CLEC2A: variants seen among roughly 807,000 people sequenced by gnomAD.
CLEC2A encodes the protein keratinocyte-associated C-type lectin.
In CLEC2A, 19 loss-of-function variants were observed where a neutral mutation model predicts 18.6. That is an observed-to-expected ratio of 1.02 (90% CI 0.71 to 1.50). The LOEUF (loss-of-function observed/expected upper bound fraction) is 1.50, where lower values mean the gene tolerates loss of function less well. CLEC2A is among the 40% of genes most tolerant of loss of function. The pLI is 0.00. For synonymous variants in CLEC2A, 74 were observed against 64.0 expected (o/e 1.16, Z -0.75); for missense variants, 190 against 207.9 (o/e 0.91, Z 0.53).
At chr12:9,888,754 A>G in the CLEC2A span, 19 of 1,504,674 alleles carry the variant, frequency 1.3e-5, no homozygotes, top group South Asian at 2.2e-4. Context: ...GATTTCTCCC[A>G]GAATGTAAAC....
chr12:9,907,544 G>A (rs571210664), intron 4 of CLEC2A, among the ~76,000 whole-genome samples: 1 of 152,108 alleles, frequency 6.6e-6, no homozygotes, highest in South Asian at 2.1e-4. Flanking sequence ...GTAACTTCAC[G>A]TTCTACAAAC....
At chr12:9,910,775 T>C (rs1862972855), downstream of CLEC2A, among the ~76,000 whole-genome samples, 2 of 152,186 alleles carry the variant, frequency 1.3e-5, no homozygotes, top group South Asian at 4.1e-4. Context: ...TGTGGGTTTA[T>C]TCGTCATGCT....
chr12:9,901,080 A>C (rs1425812414), intron 4 of CLEC2A, among the ~76,000 whole-genome samples: 1 of 152,216 alleles, frequency 6.6e-6, no homozygotes, highest in Non-Finnish European at 1.5e-5. Flanking sequence ...TTGACTCTGC[A>C]AAACAAAACA....
downstream of CLEC2A, among the ~76,000 whole-genome samples, chr12:9,911,368 T>C (rs193225371): frequency 1.5e-3 from 228 of 152,214 alleles, no homozygotes; most frequent in African/African-American, 5.3e-3. Context: ...ACAAGGACAT[T>C]GCACAATTAA....
At chr12:9,908,053 A>G (rs775064135) in intron 4 of CLEC2A, among the ~76,000 whole-genome samples, 1 of 152,308 alleles carries the variant, frequency 6.6e-6, no homozygotes, top group South Asian at 2.1e-4. Context: ...TTAAAAGAGG[A>G]CATGCAGGGT....
chr12:9,883,247 G>GA, the CLEC2A span, among the ~76,000 whole-genome samples: 7 of 152,088 alleles, frequency 4.6e-5, no homozygotes, highest in Non-Finnish European at 7.4e-5. Flanking sequence ...TCCTAAATCA[G>GA]AAAAAATATT....
At chr12:9,912,510 C>T (rs1863002277), downstream of CLEC2A, among the ~76,000 whole-genome samples, 2 of 152,180 alleles carry the variant, frequency 1.3e-5, no homozygotes, top group Non-Finnish European at 2.9e-5. Context: ...TTTCATTCGC[C>T]TCTTCTCGAG....
chr12:9,890,800 A>G, the CLEC2A span, among the ~76,000 whole-genome samples: 1 of 152,226 alleles, frequency 6.6e-6, no homozygotes, highest in African/African-American at 2.4e-5. Context: ...GGTCTTACCC[A>G]TAGTTATGAA....
At chr12:9,890,052 T>A in the CLEC2A span, among the ~76,000 whole-genome samples, 1 of 152,096 alleles carries the variant, frequency 6.6e-6, no homozygotes. Context: ...CAATACATAA[T>A]CAATATTTTC....
chr12:9,899,871 G>A (rs1185723601), intron 4 of CLEC2A, among the ~76,000 whole-genome samples: 1 of 152,132 alleles, frequency 6.6e-6, no homozygotes. Context: ...ATCTGCCTCT[G>A]GATCCCTCAG....
chr12:9,897,560 TAAAA>T (rs554528887), downstream of CLEC2A, among the ~76,000 whole-genome samples: 1 of 130,460 alleles, frequency 7.7e-6, no homozygotes, highest in Non-Finnish European at 1.7e-5. Flanking sequence ...ACGCTCAGTA[TAAAA>T]AAAAAAAAAG....
At chr12:9,895,487 T>C (rs1372218145), downstream of CLEC2A, among the ~76,000 whole-genome samples, 2 of 152,206 alleles carry the variant, frequency 1.3e-5, no homozygotes, top group African/African-American at 4.8e-5. Flanking sequence ...TGTCTTCTAG[T>C]GTAGCTCAAG....
chr12:9,894,258 T>A (rs1253394135), downstream of CLEC2A, among the ~76,000 whole-genome samples: 1 of 151,758 alleles, frequency 6.6e-6, no homozygotes, highest in African/African-American at 2.4e-5. Context: ...CGTGGCTTAC[T>A]GCAGATTTGA....
downstream of CLEC2A, chr12:9,898,655 T>C: frequency 2.3e-6 from 1 of 438,650 alleles, no homozygotes; most frequent in Non-Finnish European, 4.1e-6. Context: ...ACTATGTAAA[T>C]GAGGCAATTA....
chr12:9,899,040 GGGA>G, intron 4 of CLEC2A: 6 of 688,280 alleles, frequency 8.7e-6, no homozygotes, highest in Non-Finnish European at 1.6e-5. Context: ...ACAAAACAAG[GGGA>G]GGAGTAAGAA....
At chr12:9,894,596 C>A (rs868565952), downstream of CLEC2A, among the ~76,000 whole-genome samples, 2 of 152,112 alleles carry the variant, frequency 1.3e-5, no homozygotes, top group African/African-American at 2.4e-5. Flanking sequence ...TGAAGGGTCA[C>A]GTTTAGACAT....
intron 1 of CLEC2A, 94 bp from the exon 2 acceptor site, chr12:9,926,437 G>A (rs1417775922): frequency 1.3e-6 from 1 of 776,140 alleles, no homozygotes; most frequent in South Asian, 1.6e-5. Context: ...TTGTTAATCA[G>A]GAAACCCTCA....
chr12:9,888,734 TAAAA>T, the CLEC2A span: 1 of 1,487,254 alleles, frequency 6.7e-7, no homozygotes, highest in East Asian at 2.5e-5. Flanking sequence ...TGAGTACAGA[TAAAA>T]AAATGGATTT....
intron 1 of CLEC2A, among the ~76,000 whole-genome samples, chr12:9,927,662 T>C (rs1296149630): frequency 6.6e-6 from 1 of 152,150 alleles, no homozygotes; most frequent in Admixed American, 6.5e-5. Context: ...AAGTTACTAG[T>C]TTTCATGATC....
Sources: gnomAD v4.1 joint callset for allele counts (sites outside exome capture counted in the v4.1 genomes callset) on GRCh38, gnomAD v4.1.1 for gene constraint, MANE v1.5 for transcripts, NCBI Gene and HGNC (gene_info 2026-07-23, HGNC 2026-07-21) for gene names.